The following SRCIN1 variants were observed in gnomAD, a reference collection of about 807,000 sequenced individuals.
SRCIN1 encodes the protein SRC kinase signaling inhibitor 1, also known as P130Cas-associated protein.
A neutral mutation model predicts 116.2 loss-of-function variants in SRCIN1; 50 were observed. The ratio of observed to expected loss-of-function variants is 0.43; its 90% CI spans 0.34 to 0.54. SRCIN1 has a LOEUF of 0.54. SRCIN1 is among the 20% of genes least tolerant of loss of function. SRCIN1 has a pLI of 0.02. For synonymous variants in SRCIN1, 736 were observed against 750.0 expected (o/e 0.98, Z 0.30); for missense variants, 1,446 against 1,672.0 (o/e 0.86, Z 2.36).
rs1906233631 is a variant in SRCIN1, at chr17:38,561,472, G to C, written c.1691C>G (p.Thr564Arg). 6.3e-7 allele frequency: 1 copy of C among 1,586,162 alleles called. No homozygotes were observed. Among genetic ancestry groups the C allele is most frequent in the Non-Finnish European group, 8.5e-7 (1 of 1,174,058 alleles). Reference protein sequence around the residue: ...GFGPPVPAKDTETRERMEAME... With the variant: ...GFGPPVPAKDRETRERMEAME... Reference sequence around the variant, plus strand: ...GGTTAACGTCCCTCACCTGGTCTCCGTGTCCTTGGCTGGCACTGGCGGCCC... The same window carrying C: ...GGTTAACGTCCCTCACCTGGTCTCCCTGTCCTTGGCTGGCACTGGCGGCCC... Residue 564 changes from threonine (T) to arginine (R), a missense_variant, in exon 7 of 19, where the codon ACG becomes AGG. Coordinates refer to ENST00000617146, the MANE Select transcript of SRCIN1 (RefSeq NM_025248.3).
At chr17:38,559,929 C>A in intron 9 of SRCIN1, 125 bp downstream of exon 9, 2 of 1,350,148 alleles carry the variant, frequency 1.5e-6, no homozygotes, top group Non-Finnish European at 2.1e-6. Context: ...CGGTGGGGAC[C>A]AAAGTGCCAG....
rs1345929849 is a variant in SRCIN1 at position 38,531,988 on chromosome 17, G to C, written c.*1309C>G. On this transcript the variant is annotated 3_prime_UTR_variant, in exon 19 of 19. Transcript: ENST00000617146. ...CTACCGGCTCCTCACTGTGCCCTCT[G>C]GGGGGCCAGGAGTGAGAACCAAAAT... 1 of 152,562 alleles carries C rather than the reference G, an allele frequency of 6.6e-6. No individual in the cohort carries two copies. Among genetic ancestry groups the C allele is most frequent in the Non-Finnish European group, 1.5e-5 (1 of 68,090 alleles). The allele number at this position is 152,562 out of a possible 1,614,324, so 9.5% of individuals were successfully genotyped here.
chr17:38,536,570 G>A (rs766178570), intron 18 of SRCIN1, among the ~76,000 whole-genome samples: 18 of 152,146 alleles, frequency 1.2e-4, no homozygotes, highest in Non-Finnish European at 1.9e-4. Context: ...TTCACATTCT[G>A]ACGCCCAGAT....
At chr17:38,590,927 C>G (rs1001038672) in intron 1 of SRCIN1, among the ~76,000 whole-genome samples, 1 of 152,218 alleles carries the variant, frequency 6.6e-6, no homozygotes, top group Non-Finnish European at 1.5e-5. Context: ...CCCAGCTAAT[C>G]TTGGGCGCCA....
At position 38,530,259 on chromosome 17, in the gene SRCIN1, G is replaced by T. The variant is rs1206357476; in HGVS notation, c.*3038C>A. ...CCAACATGGGCCCTACAGGGTGGAT[G>T]GGGCAGGGTGTGGAGCCGGGGCTCA... On this transcript the variant is annotated 3_prime_UTR_variant, in exon 19 of 19. Transcript: ENST00000617146. 1 of 152,266 alleles carries T rather than the reference G, an allele frequency of 6.6e-6. No individual in the cohort carries two copies. Among genetic ancestry groups the T allele is most frequent in the Non-Finnish European group, 1.5e-5 (1 of 68,056 alleles). 9.4% of individuals were successfully genotyped at this position (152,266 alleles called of 1,614,324 possible). A position where few individuals can be genotyped will look rare whatever the true frequency, so the allele number is the denominator to read the frequency against.
chr17:38,553,711 C>G (rs1190872364), intron 11 of SRCIN1, among the ~76,000 whole-genome samples: 2 of 152,122 alleles, frequency 1.3e-5, no homozygotes, highest in Non-Finnish European at 2.9e-5. Context: ...TGCCATTGAA[C>G]GCTAAATGGA....
At chr17:38,600,298 C>T (rs1298582621) in intron 1 of SRCIN1, among the ~76,000 whole-genome samples, 5 of 152,212 alleles carry the variant, frequency 3.3e-5, no homozygotes, top group Admixed American at 2.6e-4. Context: ...GTAAAAGCGA[C>T]CAAGGCATGC....
intron 18 of SRCIN1, among the ~76,000 whole-genome samples, chr17:38,539,640 C>T (rs959626334): frequency 2.0e-5 from 3 of 152,192 alleles, no homozygotes; most frequent in African/African-American, 7.2e-5. Flanking sequence ...ACTGCCCTTC[C>T]CCCAGGGAGT....
intron 7 of SRCIN1, among the ~76,000 whole-genome samples, chr17:38,560,985 G>A (rs1906195815): frequency 6.6e-6 from 1 of 152,256 alleles, no homozygotes; most frequent in Admixed American, 6.5e-5. Context: ...TGAGCGATGG[G>A]CAGGGGCTCC....
chr17:38,603,434 C>A (rs1044692020), intron 1 of SRCIN1, among the ~76,000 whole-genome samples: 10 of 152,102 alleles, frequency 6.6e-5, no homozygotes, highest in Non-Finnish European at 4.4e-5. Flanking sequence ...TCGAGCGACC[C>A]TTCCCCTAGT....
Position 38,561,783 on chromosome 17 carries a change from C to A in SRCIN1, c.1380G>T (p.Pro460=). The A allele has an allele frequency of 1.1e-5, 16 of 1,485,560 alleles. No individual in the cohort carries two copies. The highest frequency in any genetic ancestry group is 1.4e-5 in the Non-Finnish European group (16 of 1,125,548). The allele number at this position is 1,485,560 out of a possible 1,614,324, so 92.0% of individuals were successfully genotyped here. The part of the protein sequence containing the change: ...SLYKAAGGGG[P]LYGDGYGFRL... ...GGAAGCCGTAGCCGTCGCCGTACAG[C>A]GGGCCGCCGCCGCCCGCCGCCTTGT... The change falls in exon 7 of 19, where the codon CCG becomes CCT. Residue 460 remains proline (P), a synonymous_variant. Transcript: ENST00000617146.
At chr17:38,603,454 C>G (rs1485173918) in intron 1 of SRCIN1, among the ~76,000 whole-genome samples, 1 of 152,094 alleles carries the variant, frequency 6.6e-6, no homozygotes, top group Non-Finnish European at 1.5e-5. Context: ...TGGAGCATCC[C>G]TCTCCACTCA....
chr17:38,589,242 C>T (rs765087173), intron 1 of SRCIN1, among the ~76,000 whole-genome samples: 6 of 152,220 alleles, frequency 3.9e-5, no homozygotes, highest in East Asian at 1.9e-4. Flanking sequence ...AACACCCACA[C>T]GTATTCATGA....
chr17:38,578,424 G>C, intron 2 of SRCIN1, 66 bp downstream of exon 2: 1 of 1,495,696 alleles, frequency 6.7e-7, no homozygotes, highest in South Asian at 1.3e-5. Flanking sequence ...GGAGCACGGG[G>C]TCAGACCTCC....
rs1180818635 is a variant in SRCIN1, at chr17:38,562,204, A to G, written c.959T>C (p.Leu320Pro). The G allele has an allele frequency of 2.8e-6, 4 of 1,423,190 alleles. No individual in the cohort carries two copies. The allele number at this position is 1,423,190 out of a possible 1,614,324, so 88.2% of individuals were successfully genotyped here. The change falls in exon 7 of 19, where the codon CTG becomes CCG. Residue 320 changes from leucine (L) to proline (P), a missense_variant. Leu to Pro is a moderately conservative substitution (Grantham distance 98). Around this residue, in one of 5 missense-constraint regions of SRCIN1, gnomAD observed 239 missense variants for 317.7 expected, o/e 0.75. Transcript: ENST00000617146. The surrounding 1 kb of genome is among the most constrained non-coding windows in gnomAD (Gnocchi z 4.2). ...CGAACGCGACGGCGAACCGGACTGC[A>G]GCCCGGACGGCAGCCCCGACGGCAG... ...PGLPSGLPSGLQSGSPSRSRL... is the reference protein window; with the variant it reads ...PGLPSGLPSGPQSGSPSRSRL...
intron 1 of SRCIN1, among the ~76,000 whole-genome samples, chr17:38,588,948 TCAGA>T (rs1908290874): frequency 6.6e-6 from 1 of 152,158 alleles, no homozygotes; most frequent in Non-Finnish European, 1.5e-5. Flanking sequence ...CTAGTAGCAC[TCAGA>T]CAGCTCCCTC....
At chr17:38,569,082 G>C (rs1906906118) in intron 2 of SRCIN1, among the ~76,000 whole-genome samples, 1 of 152,140 alleles carries the variant, frequency 6.6e-6, no homozygotes, top group South Asian at 2.1e-4. Flanking sequence ...AGTGAAGGGA[G>C]TTGGGGAGAC....
Position 38,558,366 on chromosome 17 carries a change from G to C in SRCIN1, c.2062C>G (p.Arg688Gly), listed in dbSNP as rs1224264041. Residue 688 changes from arginine to glycine, a missense_variant, in exon 11 of 19, where the codon CGC becomes GGC. This residue lies in a region of SRCIN1 where 398 missense variants were observed against 385.6 expected (regional missense o/e 1.03). Coordinates refer to ENST00000617146, the MANE Select transcript of SRCIN1 (RefSeq NM_025248.3). This position sits in a 1 kb window ranked among gnomAD's most constrained non-coding sequence, Gnocchi z 4.6. Reference protein sequence around the residue: ...NQESVRALLKRTEAELSMRVS... With the variant: ...NQESVRALLKGTEAELSMRVS... ...CGCATGCTCAGCTCTGCCTCCGTGC[G>C]CTTCAGCAGCGCGCGCACCGACTCC... The C allele has an allele frequency of 6.2e-7, 1 of 1,606,304 alleles. No individual in the cohort carries two copies. The highest frequency in any genetic ancestry group is 1.3e-5 in the African/African-American group (1 of 75,002).
intron 10 of SRCIN1, 74 bp downstream of exon 10, chr17:38,559,511 G>A (rs969968780): frequency 2.0e-6 from 3 of 1,487,602 alleles, no homozygotes; most frequent in Non-Finnish European, 2.7e-6. Flanking sequence ...GTAGGGGATG[G>A]GGCGGGACTT....
Sources: allele counts gnomAD v4.1 joint callset (sites outside exome capture counted in the v4.1 genomes callset), GRCh38; gene constraint gnomAD v4.1.1; regional missense constraint gnomAD v4.1.1; non-coding constraint Gnocchi (gnomAD v3.1); transcripts MANE v1.5; gene names NCBI Gene and HGNC (gene_info 2026-07-23, HGNC 2026-07-21).